The following PTPRO variants were observed in gnomAD, a reference collection of about 807,000 sequenced individuals.
The protein encoded by PTPRO is receptor-type tyrosine-protein phosphatase O.
In PTPRO, 62 loss-of-function variants were observed where a neutral mutation model predicts 145.2. That is an observed-to-expected ratio of 0.43 (90% CI 0.35 to 0.53). The LOEUF (loss-of-function observed/expected upper bound fraction) is 0.53. Among genes scored for constraint, PTPRO ranks in the 20% least tolerant of loss-of-function variants. The pLI, the probability that PTPRO is intolerant of heterozygous loss-of-function variation, is 0.01. For synonymous variants in PTPRO, 565 were observed against 514.7 expected, an observed-to-expected ratio of 1.10 and a Z score of -1.32; for missense variants, 1,345 against 1,482.7, an observed-to-expected ratio of 0.91 and a Z score of 1.53.
At chr12:15,582,897 C>T (rs1444050584) in intron 23 of PTPRO, among the ~76,000 whole-genome samples, 2 of 152,158 alleles carry the variant, frequency 1.3e-5, no homozygotes, top group South Asian at 2.1e-4. Flanking sequence ...TCTGAGCAAA[C>T]GCTGAATATT....
At chr12:15,364,714 T>A (rs918165200) in intron 1 of PTPRO, among the ~76,000 whole-genome samples, 9 of 152,174 alleles carry the variant, frequency 5.9e-5, no homozygotes, top group Non-Finnish European at 1.2e-4. Flanking sequence ...GACACATGCC[T>A]GCCCCAAAAC....
At chr12:15,509,495 G>A (rs1447773346) in intron 7 of PTPRO, among the ~76,000 whole-genome samples, 6 of 151,646 alleles carry the variant, frequency 4.0e-5, no homozygotes, top group African/African-American at 1.5e-4. Context: ...TCAGGAGTTC[G>A]AGACCAGCCT....
intron 1 of PTPRO, among the ~76,000 whole-genome samples, chr12:15,423,496 T>TG (rs1940202365): frequency 6.6e-6 from 1 of 151,398 alleles, no homozygotes; most frequent in African/African-American, 2.4e-5. Flanking sequence ...TAGACCAGTT[T>TG]GAAAAAAAAA....
chr12:15,425,074 A>T (rs1193304468), intron 1 of PTPRO, among the ~76,000 whole-genome samples: 1 of 152,030 alleles, frequency 6.6e-6, no homozygotes. Flanking sequence ...CACCTTTCAC[A>T]TATTTGTTGT....
At chr12:15,593,513 A>G (rs2135679940) in intron 25 of PTPRO, among the ~76,000 whole-genome samples, 1 of 152,334 alleles carries the variant, frequency 6.6e-6, no homozygotes, top group African/African-American at 2.4e-5. Flanking sequence ...GTATGTATAT[A>G]TGTGTGTTAC....
At chr12:15,366,451 AGTTTTGATTGCTT>A (rs1448351913) in intron 1 of PTPRO, among the ~76,000 whole-genome samples, 1 of 152,186 alleles carries the variant, frequency 6.6e-6, no homozygotes, top group East Asian at 1.9e-4. Context: ...CTAAATTTAA[AGTTTTGATTGCTT>A]GTTGAAAAGC....
chr12:15,455,708 T>C lies in PTPRO; in HGVS notation c.76-28266T>C, dbSNP rs1479164689. Among the ~76,000 whole-genome samples, 6 of 152,226 alleles carry C rather than the reference T, an allele frequency of 3.9e-5. No homozygotes were observed. In the East Asian group the frequency reaches 1.2e-3, roughly 29 times the overall value. On this transcript the variant is annotated intron_variant, in intron 1 of 26. Coordinates refer to ENST00000281171, the MANE Select transcript of PTPRO (RefSeq NM_030667.3). ...GCTGATTTTGTATGTTGATTTTGTA[T>C]CCTGTGACTTTGCTGAACTCATTTG...
intron 6 of PTPRO, among the ~76,000 whole-genome samples, chr12:15,507,326 T>A (rs1315666188): frequency 1.3e-5 from 2 of 151,794 alleles, no homozygotes; most frequent in Non-Finnish European, 2.9e-5. Context: ...GGCAGGAGAA[T>A]CGCTTGAACT....
intron 1 of PTPRO, among the ~76,000 whole-genome samples, chr12:15,437,902 C>A (rs1342504573): frequency 6.6e-6 from 1 of 152,174 alleles, no homozygotes; most frequent in East Asian, 1.9e-4. Context: ...ATGGCTCCTA[C>A]CCCCACAGTG....
At chr12:15,514,853 C>T (rs1045738689) in intron 7 of PTPRO, among the ~76,000 whole-genome samples, 1 of 152,060 alleles carries the variant, frequency 6.6e-6, no homozygotes, top group Non-Finnish European at 1.5e-5. Flanking sequence ...ACCTCTGCCT[C>T]CTGGGTTCAA....
intron 15 of PTPRO, among the ~76,000 whole-genome samples, chr12:15,557,031 TG>T (rs1241814788): frequency 7.2e-6 from 1 of 139,452 alleles, no homozygotes; most frequent in Admixed American, 7.6e-5. Flanking sequence ...TCTTTTATTT[TG>T]TTTTTTTTTT....
At chr12:15,480,816 CAGAT>C (rs554501053) in intron 1 of PTPRO, among the ~76,000 whole-genome samples, 122 of 152,222 alleles carry the variant, frequency 8.0e-4, no homozygotes, top group Non-Finnish European at 1.2e-3. Flanking sequence ...GAGAGACAGA[CAGAT>C]AGATAGATAG....
intron 1 of PTPRO, among the ~76,000 whole-genome samples, chr12:15,356,466 G>A (rs1937991643): frequency 6.6e-6 from 1 of 152,036 alleles, no homozygotes; most frequent in Non-Finnish European, 1.5e-5. Flanking sequence ...ACATAGTAAT[G>A]CCTATAAATG....
chr12:15,322,715 G>A lies in PTPRO; in HGVS notation c.-12G>A. ...AGCGCAGCCGTGCCCCCGAGTCCCC[G>A]TCCGCGCAGCGATGGGGCACCTGCC... On this transcript the variant is annotated 5_prime_UTR_variant, in exon 1 of 27. Transcript: ENST00000281171. This position sits in a 1 kb window ranked among gnomAD's most constrained non-coding sequence, Gnocchi z 6.3. 6.2e-7 allele frequency: 1 copy of A among 1,609,328 alleles called. No individual in the cohort carries two copies. The highest frequency in any genetic ancestry group is 8.5e-7 in the Non-Finnish European group (1 of 1,178,076).
chr12:15,439,605 G>T, intron 1 of PTPRO: 1 of 286,594 alleles, frequency 3.5e-6, no homozygotes, highest in South Asian at 3.4e-5. Context: ...TGGCTTTCGT[G>T]GAGGTTTTGG....
chr12:15,527,661 G>A (rs546796055), intron 12 of PTPRO, among the ~76,000 whole-genome samples: 36 of 152,268 alleles, frequency 2.4e-4, no homozygotes, highest in Non-Finnish European at 4.7e-4. Flanking sequence ...TTCTTTTTCA[G>A]GACAGGCAGA....
At chr12:15,372,756 A>G (rs140959240) in intron 1 of PTPRO, among the ~76,000 whole-genome samples, 110 of 152,298 alleles carry the variant, frequency 7.2e-4, no homozygotes, top group African/African-American at 2.3e-3. Flanking sequence ...AATTGAATCT[A>G]CCACTAAAAA....
intron 4 of PTPRO, 130 bp from the exon 5 acceptor site, chr12:15,501,490 T>C (rs1440188147): frequency 2.4e-6 from 2 of 833,922 alleles, no homozygotes; most frequent in East Asian, 5.3e-5. Context: ...TGTAAATTTG[T>C]CTGTGTATCA....
chr12:15,403,401 G>A (rs1159893296), intron 1 of PTPRO, among the ~76,000 whole-genome samples: 1 of 152,072 alleles, frequency 6.6e-6, no homozygotes, highest in Non-Finnish European at 1.5e-5. Context: ...TGGCCAACAT[G>A]GTGAAACTCC....
Sources: gnomAD v4.1 joint callset for allele counts (sites outside exome capture counted in the v4.1 genomes callset) on GRCh38, gnomAD v4.1.1 for gene constraint, Gnocchi (gnomAD v3.1) non-coding constraint, MANE v1.5 for transcripts, NCBI Gene and HGNC (gene_info 2026-07-23, HGNC 2026-07-21) for gene names.